The following ESRRG variants were observed in gnomAD, a reference collection of about 807,000 sequenced individuals.
The protein encoded by ESRRG is estrogen-related receptor gamma.
A neutral mutation model predicts 44.0 loss-of-function variants in ESRRG; 13 were observed. The observed-to-expected ratio is 0.30, with a 90% confidence interval of 0.19 to 0.47. The LOEUF is 0.47. Among genes scored for constraint, ESRRG ranks in the 20% least tolerant of loss-of-function variants. ESRRG has a pLI of 1.00. For synonymous variants in ESRRG, 215 were observed against 214.6 expected (o/e 1.00, Z -0.02); for missense variants, 395 against 580.6 (o/e 0.68, Z 3.29).
chr1:216,912,324 G>A (rs571705936), intron 2 of ESRRG, among the ~76,000 whole-genome samples: 1 of 129,808 alleles, frequency 7.7e-6, no homozygotes, highest in African/African-American at 2.8e-5. Context: ...CAGAAGGAAG[G>A]AAGGAAGGAA....
At chr1:216,600,782 G>A (rs1361147185) in intron 3 of ESRRG, among the ~76,000 whole-genome samples, 1 of 152,116 alleles carries the variant, frequency 6.6e-6, no homozygotes, top group African/African-American at 2.4e-5. Context: ...CCAGATTTCC[G>A]GATGTAATTC....
rs150110458 is a variant in ESRRG, at chr1:216,856,302, T to A, written c.-14+83280A>T. Among the ~76,000 whole-genome samples, 609 of 151,956 alleles carry A rather than the reference T, an allele frequency of 4.0e-3. 4 individuals carry two copies. The highest frequency in any genetic ancestry group is 0.014 in the African/African-American group (572 of 41,376). On this transcript the variant is annotated intron_variant, in intron 2 of 7. Coordinates refer to the ESRRG transcript ENST00000359162. ...AAGCATGCTCCTTACATTTCCCATA[T>A]AGATATTACCAGTTGCTTAATCAAT...
chr1:216,741,197 TTATAATTTA>T (rs1398464237), intron 2 of ESRRG, among the ~76,000 whole-genome samples: 1 of 143,062 alleles, frequency 7.0e-6, no homozygotes, highest in African/African-American at 2.6e-5. Context: ...ATATTTATAT[TTATAATTTA>T]TATAATTTAT....
At chr1:217,046,885 T>TA (rs34206194) in intron 1 of ESRRG, among the ~76,000 whole-genome samples, 1 of 146,546 alleles carries the variant, frequency 6.8e-6, no homozygotes, top group Admixed American at 6.8e-5. Context: ...TCCTGTCTCA[T>TA]AAAAAAAAAG....
chr1:216,561,795 G>T (rs1477505878), intron 5 of ESRRG, among the ~76,000 whole-genome samples: 1 of 151,936 alleles, frequency 6.6e-6, no homozygotes, highest in East Asian at 1.9e-4. Context: ...ACACCCTCAG[G>T]TATCACGAAA....
intron 2 of ESRRG, among the ~76,000 whole-genome samples, chr1:216,780,953 G>T (rs1288149609): frequency 6.6e-6 from 1 of 151,982 alleles, no homozygotes; most frequent in Non-Finnish European, 1.5e-5. Flanking sequence ...TATGGATCCT[G>T]TACCTTTCTA....
intron 1 of ESRRG, among the ~76,000 whole-genome samples, chr1:217,051,315 G>A (rs1411944146): frequency 6.6e-6 from 1 of 151,804 alleles, no homozygotes; most frequent in African/African-American, 2.4e-5. Flanking sequence ...ACCTTAGGCT[G>A]ATTCTTCACT....
intron 3 of ESRRG, among the ~76,000 whole-genome samples, chr1:216,569,111 A>AGGAAGAAGGAAGAAG (rs1553355981): frequency 4.8e-5 from 5 of 104,466 alleles, no homozygotes; most frequent in Non-Finnish European, 8.1e-5. Flanking sequence ...GAAGGAAGGA[A>AGGAAGAAGGAAGAAG]GAAGGAAGGA....
intron 6 of ESRRG, among the ~76,000 whole-genome samples, chr1:216,512,010 C>T (rs1000386075): frequency 4.6e-5 from 7 of 152,136 alleles, no homozygotes; most frequent in African/African-American, 1.7e-4. Context: ...AATTGTAACA[C>T]TGGTAACCAA....
chr1:217,088,994 G>C (rs1483816128), intron 1 of ESRRG, among the ~76,000 whole-genome samples: 2 of 152,046 alleles, frequency 1.3e-5, no homozygotes, highest in South Asian at 2.1e-4. Flanking sequence ...GGAAAGCAGC[G>C]TAGAGGACAG....
intron 2 of ESRRG, among the ~76,000 whole-genome samples, chr1:216,760,870 G>A (rs1490461977): frequency 6.6e-6 from 1 of 152,094 alleles, no homozygotes; most frequent in Non-Finnish European, 1.5e-5. Context: ...GAGGTGGTGG[G>A]AGGTGATAAA....
chr1:216,914,991 T>C (rs2060961112), intron 2 of ESRRG, among the ~76,000 whole-genome samples: 1 of 152,196 alleles, frequency 6.6e-6, no homozygotes, highest in Admixed American at 6.5e-5. Context: ...TAAATATAAG[T>C]TGAAGAAACT....
intron 1 of ESRRG, among the ~76,000 whole-genome samples, chr1:217,126,948 G>A (rs918662166): frequency 6.6e-6 from 1 of 152,124 alleles, no homozygotes; most frequent in Non-Finnish European, 1.5e-5. Context: ...CCTGCCTTTT[G>A]AAATAGATGT....
intron 1 of ESRRG, among the ~76,000 whole-genome samples, chr1:217,005,374 C>T (rs1434565825): frequency 1.3e-5 from 2 of 152,102 alleles, no homozygotes; most frequent in Non-Finnish European, 2.9e-5. Context: ...TGCCTTTTCT[C>T]CACTGCGCTA....
intron 1 of ESRRG, among the ~76,000 whole-genome samples, chr1:216,996,133 A>T (rs2076347980): frequency 6.6e-6 from 1 of 152,236 alleles, no homozygotes; most frequent in Non-Finnish European, 1.5e-5. Flanking sequence ...GATTGCTATA[A>T]ACAAATCTGA....
chr1:217,021,766 T>A (rs2080360729), intron 1 of ESRRG, among the ~76,000 whole-genome samples: 1 of 152,208 alleles, frequency 6.6e-6, no homozygotes, highest in Non-Finnish European at 1.5e-5. Context: ...ATTGAACCAT[T>A]GTCTCTTGCT....
chr1:217,107,328 C>G (rs2092609313), intron 1 of ESRRG, among the ~76,000 whole-genome samples: 1 of 152,192 alleles, frequency 6.6e-6, no homozygotes, highest in South Asian at 2.1e-4. Context: ...AACAGTGTAG[C>G]TCACATTAAT....
intron 2 of ESRRG, among the ~76,000 whole-genome samples, chr1:216,663,927 G>C (rs1380321014): frequency 6.6e-6 from 1 of 152,122 alleles, no homozygotes; most frequent in Non-Finnish European, 1.5e-5. Context: ...ACAGGAAATG[G>C]AAATGGTGGT....
At chr1:216,595,410 A>G (rs902436612) in intron 3 of ESRRG, among the ~76,000 whole-genome samples, 5 of 152,228 alleles carry the variant, frequency 3.3e-5, no homozygotes, top group Admixed American at 3.3e-4. Flanking sequence ...GATTGAATTT[A>G]TTTATTTTTC....
Sources: allele counts gnomAD v4.1 joint callset (sites outside exome capture counted in the v4.1 genomes callset), GRCh38; gene constraint gnomAD v4.1.1; transcripts MANE v1.5; gene names NCBI Gene and HGNC (gene_info 2026-07-23, HGNC 2026-07-21).